ARAP1: variants seen among roughly 807,000 people sequenced by gnomAD.
ARAP1 encodes arf-GAP with Rho-GAP domain, ANK repeat and PH domain-containing protein 1.
A neutral mutation model predicts 172.2 loss-of-function variants in ARAP1; 76 were observed. The observed-to-expected ratio is 0.44, with a 90% CI of 0.37 to 0.53. ARAP1 has a LOEUF of 0.53. ARAP1 is among the 20% of genes least tolerant of loss of function. ARAP1 has a pLI of 0.00. For synonymous variants in ARAP1, 804 were observed against 803.3 expected, an observed-to-expected ratio of 1.00 and a Z score of -0.01; for missense variants, 1,686 against 1,977.5, an observed-to-expected ratio of 0.85 and a Z score of 2.80.
Position 72,725,549 on chromosome 11 carries a change from G to C in ARAP1, c.509+1071C>G, listed in dbSNP as rs993473850. On this transcript the variant is annotated intron_variant, in intron 3 of 34. Coordinates refer to ENST00000393609, the MANE Select transcript of ARAP1 (RefSeq NM_001040118.3). This position sits in a 1 kb window ranked among gnomAD's most constrained non-coding sequence, Gnocchi z 4.3. ...CAACCCTCAAAACACCACAGCACTA[G>C]CTTGGTCTTCAAGGCCCCCTGACTT... Among the ~76,000 whole-genome samples the C allele has an allele frequency of 6.6e-6, 1 of 151,972 alleles. No individual in the cohort carries two copies. Among genetic ancestry groups the C allele is most frequent in the Non-Finnish European group, 1.5e-5 (1 of 67,996 alleles).
chr11:72,713,795 G>A lies in ARAP1; in HGVS notation c.679+357C>T, dbSNP rs916634330. 6.0e-5 allele frequency among the ~76,000 whole-genome samples: 9 copies of A among 151,226 alleles called. No homozygotes were observed. In the East Asian group the frequency reaches 9.7e-4, roughly 16 times the overall value. On this transcript the variant is annotated intron_variant, in intron 4 of 34. Transcript: ENST00000393609. ...CCAGGAGGCAGAGCTTGCAGTGGGCGGAGATTGCACCACTGCACTCCAGCC... is the reference window on the plus strand; with the variant it reads ...CCAGGAGGCAGAGCTTGCAGTGGGCAGAGATTGCACCACTGCACTCCAGCC...
At chr11:72,705,953 C>T in intron 12 of ARAP1, 63 bp from the exon 13 acceptor site, 2 of 1,541,352 alleles carry the variant, frequency 1.3e-6, no homozygotes, top group Non-Finnish European at 1.8e-6. Context: ...CACTTACCCA[C>T]CCCCAGTGTC....
chr11:72,721,566 C>T (rs995557347), intron 3 of ARAP1, among the ~76,000 whole-genome samples: 1 of 152,038 alleles, frequency 6.6e-6, no homozygotes, highest in African/African-American at 2.4e-5. Flanking sequence ...AAACAGGCAC[C>T]GTGGGCTCCT....
Position 72,710,321 on chromosome 11 carries a change from T to C in ARAP1, c.1416+64A>G. 1.3e-6 allele frequency: 2 copies of C among 1,579,544 alleles called. No homozygotes were observed. The highest frequency in any genetic ancestry group is 2.2e-5 in the East Asian group (1 of 44,514). On this transcript the variant is annotated intron_variant, in intron 10 of 34. Coordinates refer to ENST00000393609, the MANE Select transcript of ARAP1 (RefSeq NM_001040118.3). This position sits in a 1 kb window ranked among gnomAD's most constrained non-coding sequence, Gnocchi z 4.3. ...AACAGAAAAGGCAGGGCTAAGGCCC[T>C]AGGTCAGCCTGGGGCAGGGTAGGTG...
rs1401489552 is a variant in ARAP1 at position 72,741,437 on chromosome 11, C to T, written c.-127-8840G>A. On this transcript the variant is annotated intron_variant, in intron 1 of 34. Transcript: ENST00000393609. The surrounding 1 kb of genome is among the most constrained non-coding windows in gnomAD (Gnocchi z 4.5). ...GCCCCACACCTACAGAGACCTGGGG[C>T]GCTCCCACCACCAGCAAGACAGGGC... 6.6e-6 allele frequency among the ~76,000 whole-genome samples: 1 copy of T among 152,094 alleles called. No individual in the cohort carries two copies.
chr11:72,730,376 A>C (rs1385805050), intron 2 of ARAP1, among the ~76,000 whole-genome samples: 1 of 152,216 alleles, frequency 6.6e-6, no homozygotes, highest in Non-Finnish European at 1.5e-5. Flanking sequence ...GTGATGTGGT[A>C]GGGCATCCCT....
At position 72,697,938 on chromosome 11, in the gene ARAP1, G is replaced by T; in HGVS notation, c.2710C>A (p.Leu904Met). 3 of 1,608,080 alleles carry T rather than the reference G, an allele frequency of 1.9e-6. No individual in the cohort carries two copies. In the African/African-American group the frequency reaches 4.0e-5, roughly 21 times the overall value. ...VFPEGPCEEP[L>M]QLRKLQELSI... is the part of the protein sequence containing the mutation. The stretch of plus-strand genomic sequence containing the variant: ...AGCTCCTGCAGTTTCCGTAGTTGCA[G>T]CGGCTCTTCGCAGGGCCCCTCCGGG... The change falls in exon 19 of 35, where the codon CTG becomes ATG. Residue 904 changes from leucine (L) to methionine (M), a missense_variant. By Grantham distance (15) the Leu-to-Met change is conservative (BLOSUM62 2). Transcript: ENST00000393609.
At chr11:72,722,631 G>C (rs571834600) in intron 3 of ARAP1, among the ~76,000 whole-genome samples, 2 of 152,344 alleles carry the variant, frequency 1.3e-5, no homozygotes, top group African/African-American at 2.4e-5. Flanking sequence ...GGATTGGCTG[G>C]ACTGCAGGGC....
intron 11 of ARAP1, among the ~76,000 whole-genome samples, 193 bp downstream of exon 11, chr11:72,709,677 G>A (rs923966933): frequency 6.6e-6 from 1 of 152,108 alleles, no homozygotes; most frequent in Non-Finnish European, 1.5e-5. Context: ...GCACAGGGGA[G>A]AGTAAGACCT....
chr11:72,714,026 C>T, intron 4 of ARAP1, 126 bp downstream of exon 4: 4 of 1,109,516 alleles, frequency 3.6e-6, no homozygotes, highest in Non-Finnish European at 4.8e-6. Context: ...CTGCCCGGGG[C>T]CACACAGTGG....
rs377222092 is a variant in ARAP1 at position 72,714,193 on chromosome 11, G to C, written c.638C>G (p.Pro213Arg). Residue 213 changes from proline (P) to arginine (R), a missense_variant, in exon 4 of 35, where the codon CCG becomes CGG. By Grantham distance (103) the Pro-to-Arg change is moderately radical. Coordinates refer to ENST00000393609, the MANE Select transcript of ARAP1 (RefSeq NM_001040118.3). ...GCGTACCGGCTTTGGAGGTATCTCC[G>C]GGGGGCAGGGAGGTGGAGAGGGAGG... ...PQPPSPPPCPPEIPPKPVRLF... is the reference protein window; with the variant it reads ...PQPPSPPPCPREIPPKPVRLF... The C allele has an allele frequency of 4.0e-6, 6 of 1,517,170 alleles. No homozygotes were observed. The highest frequency in any genetic ancestry group is 5.3e-6 in the Non-Finnish European group (6 of 1,138,376). 94.0% of individuals were successfully genotyped at this position (1,517,170 alleles called of 1,614,324 possible).
chr11:72,741,723 G>A lies in ARAP1; in HGVS notation c.-127-9126C>T, dbSNP rs998196852. Among the ~76,000 whole-genome samples, 3 of 152,154 alleles carry A rather than the reference G, an allele frequency of 2.0e-5. No homozygotes were observed. Among genetic ancestry groups the A allele is most frequent in the Non-Finnish European group, 2.9e-5 (2 of 68,014 alleles). ...GGCTGACCACAGAATCACAGGCAGCGGGAGTGGACAGACCCAGTGACACCA... is the reference window on the plus strand; with the variant it reads ...GGCTGACCACAGAATCACAGGCAGCAGGAGTGGACAGACCCAGTGACACCA... On this transcript the variant is annotated intron_variant, in intron 1 of 34. Transcript: ENST00000393609. The surrounding 1 kb of genome is among the most constrained non-coding windows in gnomAD (Gnocchi z 4.5).
At chr11:72,694,591 G>A (rs577539379) in intron 27 of ARAP1, among the ~76,000 whole-genome samples, 1 of 152,054 alleles carries the variant, frequency 6.6e-6, no homozygotes, top group East Asian at 1.9e-4. Flanking sequence ...TAATGCCTCC[G>A]TCCCACACCA....
intron 1 of ARAP1, among the ~76,000 whole-genome samples, chr11:72,742,968 T>C (rs888311861): frequency 2.0e-5 from 3 of 152,192 alleles, no homozygotes; most frequent in African/African-American, 7.2e-5. Context: ...GGAATGTTCT[T>C]GCCCAGGCAT....
chr11:72,696,413 C>A, intron 23 of ARAP1, 136 bp downstream of exon 23: 1 of 612,654 alleles, frequency 1.6e-6, no homozygotes, highest in Non-Finnish European at 2.7e-6. Flanking sequence ...TACAAATATC[C>A]AATGTTAGGG....
At chr11:72,717,729 G>C (rs1269076480) in intron 3 of ARAP1, among the ~76,000 whole-genome samples, 1 of 152,220 alleles carries the variant, frequency 6.6e-6, no homozygotes, top group Non-Finnish European at 1.5e-5. Context: ...CTGAGCACTT[G>C]ACATGGATTC....
In ARAP1 at chr11:72,694,970, C is replaced by T. The variant is rs11601039; in HGVS notation, c.3694+10G>A. On this transcript the variant is annotated intron_variant, in intron 27 of 34. Coordinates refer to ENST00000393609, the MANE Select transcript of ARAP1 (RefSeq NM_001040118.3). The stretch of plus-strand genomic sequence containing the variant: ...CATACCACACCCTGCACAAGCCCAG[C>T]GTCACCCACCTGCCTCCTCCCTCTC... The T allele has an allele frequency of 1.0e-4, 164 of 1,611,304 alleles. No individual in the cohort carries two copies. In the African/African-American group the frequency reaches 1.6e-3, roughly 15 times the overall value.
chr11:72,707,456 G>T, intron 11 of ARAP1, 82 bp from the exon 12 acceptor site: 2 of 1,336,298 alleles, frequency 1.5e-6, no homozygotes, highest in Non-Finnish European at 1.0e-6. Flanking sequence ...AGAATGAAGT[G>T]GGGGACAAGG....
chr11:72,714,435 C>G (rs191151654), intron 3 of ARAP1, 114 bp from the exon 4 acceptor site: 5 of 1,040,392 alleles, frequency 4.8e-6, no homozygotes, highest in Non-Finnish European at 7.0e-6. Flanking sequence ...CAAACTCACA[C>G]AGACAGGAGC....
Sources: gnomAD v4.1 joint callset for allele counts (sites outside exome capture counted in the v4.1 genomes callset) on GRCh38, gnomAD v4.1.1 for gene constraint, Gnocchi (gnomAD v3.1) non-coding constraint, MANE v1.5 for transcripts, NCBI Gene and HGNC (gene_info 2026-07-23, HGNC 2026-07-21) for gene names.